PBX1: variants seen among roughly 807,000 people sequenced by gnomAD.
PBX1 encodes the protein pre-B-cell leukemia transcription factor 1.
Under a neutral mutation model 53.4 loss-of-function variants are expected in PBX1, and 6 were observed. The observed-to-expected ratio is 0.11, with a 90% CI of 0.06 to 0.22. The LOEUF (loss-of-function observed/expected upper bound fraction) is 0.22, where lower values mean the gene tolerates loss of function less well. Among genes scored for constraint, PBX1 ranks in the 10% least tolerant of loss-of-function variants. PBX1 has a pLI of 1.00. For synonymous variants in PBX1, 204 were observed against 212.3 expected, an observed-to-expected ratio of 0.96 and a Z score of 0.34; for missense variants, 251 against 551.4, an observed-to-expected ratio of 0.46 and a Z score of 5.46.
chr1:164,818,611 C>T (rs1207924364), intron 6 of PBX1: 2 of 150,172 alleles, frequency 1.3e-5, no homozygotes, highest in East Asian at 1.9e-4. Flanking sequence ...ATGAACATCC[C>T]ACAGGACAAA....
intron 6 of PBX1, chr1:164,814,927 C>G (rs1011295537): frequency 2.0e-5 from 3 of 152,018 alleles, no homozygotes; most frequent in African/African-American, 7.2e-5. Context: ...TCACTTAAGA[C>G]TAAAACCCGG....
intron 2 of PBX1, among the ~76,000 whole-genome samples, chr1:164,593,556 G>T (rs1655552240): frequency 6.6e-6 from 1 of 152,150 alleles, no homozygotes; most frequent in South Asian, 2.1e-4. Flanking sequence ...AGTTACTTCT[G>T]TAAGCCTCTG....
intron 2 of PBX1, chr1:164,625,826 A>T: frequency 1.2e-5 from 6 of 493,688 alleles, no homozygotes; most frequent in Non-Finnish European, 1.5e-5. Flanking sequence ...AAAAAAAAAG[A>T]AAAAAAACAC....
intron 2 of PBX1, among the ~76,000 whole-genome samples, chr1:164,578,701 CTG>C (rs949819483): frequency 7.9e-5 from 12 of 152,294 alleles, no homozygotes; most frequent in African/African-American, 2.9e-4. Context: ...AGGAGTGTGG[CTG>C]TAAAGGTCAT....
intron 2 of PBX1, among the ~76,000 whole-genome samples, chr1:164,685,488 A>AT (rs779695078): frequency 4.6e-5 from 7 of 152,204 alleles, no homozygotes; most frequent in Non-Finnish European, 1.0e-4. Context: ...CCCAGTGAAC[A>AT]TCTGAGCCAG....
chr1:164,706,976 G>T (rs967478582), intron 2 of PBX1, among the ~76,000 whole-genome samples: 5 of 152,204 alleles, frequency 3.3e-5, no homozygotes, highest in Non-Finnish European at 7.3e-5. Context: ...TTTAGGACCT[G>T]TGTTTGTCCT....
At chr1:164,882,714 A>G (rs962497923) in intron 2 of PBX1, among the ~76,000 whole-genome samples, 9 of 152,186 alleles carry the variant, frequency 5.9e-5, no homozygotes, top group Non-Finnish European at 1.3e-4. Context: ...TACTGGGATT[A>G]CAGGCATGAG....
Position 164,849,082 on chromosome 1 carries a change from AC to A in PBX1, c.*2409del. On this transcript the variant is annotated 3_prime_UTR_variant, in exon 9 of 9. Transcript: ENST00000420696. The stretch of plus-strand genomic sequence containing the variant: ...TTAGTGGCAGGAATATAATGAAACT[AC>A]CCACGCAAGAACATGGTTGAATCAC... The A allele has an allele frequency of 7.6e-7, 1 of 1,318,546 alleles. No individual in the cohort carries two copies. Among genetic ancestry groups the A allele is most frequent in the Non-Finnish European group, 9.7e-7 (1 of 1,029,806 alleles). The allele number at this position is 1,318,546 out of a possible 1,614,324, so 81.7% of individuals were successfully genotyped here. A position where few individuals can be genotyped will look rare whatever the true frequency, so the allele number is the denominator to read the frequency against.
chr1:164,581,216 T>A (rs1571262699), intron 2 of PBX1, among the ~76,000 whole-genome samples: 1 of 148,450 alleles, frequency 6.7e-6, no homozygotes, highest in African/African-American at 2.5e-5. Context: ...ATCCAGCAGC[T>A]CCCCGACCGC....
At chr1:164,607,292 A>G (rs1196996404) in intron 2 of PBX1, among the ~76,000 whole-genome samples, 2 of 152,206 alleles carry the variant, frequency 1.3e-5, no homozygotes, top group Admixed American at 6.5e-5. Context: ...ATGAGCTAGA[A>G]GGTGAGAGAT....
At chr1:164,736,349 C>T (rs926584160) in intron 2 of PBX1, among the ~76,000 whole-genome samples, 2 of 152,150 alleles carry the variant, frequency 1.3e-5, no homozygotes, top group African/African-American at 4.8e-5. Flanking sequence ...AACCACAAGG[C>T]ATGAGGGTTC....
intron 2 of PBX1, among the ~76,000 whole-genome samples, chr1:164,590,854 T>A (rs1053599384): frequency 6.6e-6 from 1 of 152,104 alleles, no homozygotes; most frequent in East Asian, 1.9e-4. Flanking sequence ...GGTTTTTGTT[T>A]GTTTGTTTGA....
chr1:164,654,816 C>T (rs933611879), intron 2 of PBX1, among the ~76,000 whole-genome samples: 7 of 152,222 alleles, frequency 4.6e-5, no homozygotes, highest in African/African-American at 1.7e-4. Flanking sequence ...AAGCATTTCT[C>T]TATTCATTCA....
At chr1:164,682,890 C>T (rs996955446) in intron 2 of PBX1, 3 of 57,650 alleles carry the variant, frequency 5.2e-5, no homozygotes, top group Non-Finnish European at 1.3e-4. Flanking sequence ...CTTGCAAGGG[C>T]AGAGCAGCTC....
chr1:164,793,429 T>G (rs1351678767), intron 3 of PBX1, among the ~76,000 whole-genome samples: 1 of 152,176 alleles, frequency 6.6e-6, no homozygotes, highest in Non-Finnish European at 1.5e-5. Context: ...TTCTGCATAC[T>G]CAATTCTGAA....
chr1:164,590,576 C>G (rs1290237020), intron 2 of PBX1: 1 of 428,752 alleles, frequency 2.3e-6, no homozygotes, highest in African/African-American at 2.0e-5. Flanking sequence ...ACCAGGAGAT[C>G]TATTGCCTTT....
chr1:164,757,333 A>G (rs148267682), intron 2 of PBX1, among the ~76,000 whole-genome samples: 30 of 152,324 alleles, frequency 2.0e-4, no homozygotes, highest in African/African-American at 7.2e-4. Flanking sequence ...AATTAACATA[A>G]CACCTGGAAA....
chr1:164,807,721 C>T (rs758271478), intron 5 of PBX1, 44 bp downstream of exon 5: 76 of 1,600,384 alleles, frequency 4.7e-5, no homozygotes, highest in Non-Finnish European at 6.0e-5. Context: ...CTGGCCATGG[C>T]GGGGCCTCCG....
At chr1:164,754,472 A>G (rs1184416422) in intron 2 of PBX1, among the ~76,000 whole-genome samples, 1 of 152,196 alleles carries the variant, frequency 6.6e-6, no homozygotes, top group African/African-American at 2.4e-5. Context: ...ATACTCTCTA[A>G]TTTAACTGCT....
Sources: allele counts gnomAD v4.1 joint callset (sites outside exome capture counted in the v4.1 genomes callset), GRCh38; gene constraint gnomAD v4.1.1; transcripts MANE v1.5; gene names NCBI Gene and HGNC (gene_info 2026-07-23, HGNC 2026-07-21).